Variants in DIAPH2 observed in about 807,000 individuals in gnomAD.
DIAPH2 encodes the protein diaphanous related formin 2.
Under a neutral mutation model 92.7 loss-of-function variants are expected in DIAPH2, and 35 were observed. The ratio of observed to expected loss-of-function variants is 0.38; its 90% CI spans 0.29 to 0.50. The LOEUF (loss-of-function observed/expected upper bound fraction) is 0.50, where lower values mean the gene tolerates loss of function less well. Among genes scored for constraint, DIAPH2 ranks in the 20% least tolerant of loss-of-function variants. The probability of loss-of-function intolerance (pLI) is 0.94; values close to 1 mark genes in which losing one functional copy is unlikely to be tolerated. For synonymous variants in DIAPH2, 301 were observed against 280.4 expected, an observed-to-expected ratio of 1.07 and a Z score of -0.73; for missense variants, 701 against 819.5, an observed-to-expected ratio of 0.86 and a Z score of 1.77.
At position 97,047,797 on chromosome X, in the gene DIAPH2, A is replaced by G. The variant is rs182474942; in HGVS notation, c.2051-25144A>G. On this transcript the variant is annotated intron_variant, in intron 17 of 26. Transcript: ENST00000324765. ...GACTTTGTTCTATGATTCTAACAAA[A>G]AGAAATTTGAAATATTTGTGTGGAA... Among the ~76,000 whole-genome samples, 232 of 109,376 alleles carry G rather than the reference A, an allele frequency of 2.1e-3. 1 individual carries two copies. Among genetic ancestry groups the G allele is most frequent in the Non-Finnish European group, 3.9e-3 (205 of 52,469 alleles). 95.0% of individuals were successfully genotyped at this position (109,376 alleles called of 115,157 possible).
Position 97,593,731 on chromosome X carries a change from T to G in DIAPH2, c.3242-5522T>G, listed in dbSNP as rs753069734. Among the ~76,000 whole-genome samples the G allele has an allele frequency of 3.1e-4, 34 of 111,417 alleles. No homozygotes were observed. The Admixed American group carries it at 3.1e-3, about 10-fold the overall frequency. ...AAGGAAAATATTTCTAATAAATATT[T>G]CAATTGTTTAGTATCCCTAACATGT... On this transcript the variant is annotated intron_variant, in intron 26 of 26. Transcript: ENST00000324765.
At chrX:97,129,353 G>T (rs181844987) in intron 21 of DIAPH2, among the ~76,000 whole-genome samples, 88 of 108,150 alleles carry the variant, frequency 8.1e-4, no homozygotes, top group Non-Finnish European at 1.4e-3. Flanking sequence ...TTTTAGTAGA[G>T]ATGAGGTTTC....
At chrX:97,321,796 G>A (rs1246211479) in intron 23 of DIAPH2, among the ~76,000 whole-genome samples, 1 of 110,520 alleles carries the variant, frequency 9.0e-6, no homozygotes, top group Non-Finnish European at 1.9e-5. Flanking sequence ...TGATCCGCCC[G>A]CCTCGGCCTC....
chrX:97,594,540 G>A (rs185343750), intron 26 of DIAPH2, among the ~76,000 whole-genome samples: 1 of 112,555 alleles, frequency 8.9e-6, no homozygotes, highest in Non-Finnish European at 1.9e-5. Flanking sequence ...AACATAAAAA[G>A]TTTTCTTGGT....
At position 96,958,017 on chromosome X, in the gene DIAPH2, G is replaced by A. The variant is rs1234972424; in HGVS notation, c.1804G>A (p.Gly602Arg). ...ACCCCCACCACCACTTTTATTTGGG[G>A]GACCTCCTCCACCACCACCCCTTGG... The part of the protein sequence containing the change: ...PPPPPPLLFG[G>R]PPPPPPLGGV... The change falls in exon 16 of 27, where the codon GGA becomes AGA. Residue 602 changes from glycine (G) to arginine (R), a missense_variant. Gly to Arg is a moderately radical substitution (Grantham distance 125). This residue lies in a region of DIAPH2 where 536 missense variants were observed against 599.3 expected (regional missense o/e 0.89). Coordinates refer to ENST00000324765, the MANE Select transcript of DIAPH2 (RefSeq NM_006729.5). 1 of 1,210,321 alleles carries A rather than the reference G, an allele frequency of 8.3e-7. No homozygotes were observed. The highest frequency in any genetic ancestry group is 1.7e-5 in the African/African-American group (1 of 57,433).
At chrX:97,250,091 C>T (rs1368422947) in intron 23 of DIAPH2, among the ~76,000 whole-genome samples, 1 of 110,707 alleles carries the variant, frequency 9.0e-6, no homozygotes, top group Non-Finnish European at 1.9e-5. Flanking sequence ...GAGCGAAACT[C>T]CGTCTCAAAA....
At chrX:97,269,747 TTTTA>T (rs1474237692) in intron 23 of DIAPH2, among the ~76,000 whole-genome samples, 1,465 of 105,477 alleles carry the variant, frequency 0.014, 31 homozygotes, top group African/African-American at 0.052. Flanking sequence ...GAGATACTAT[TTTTA>T]TTTTTTTTTT....
chrX:96,721,968 T>G lies in DIAPH2; in HGVS notation c.133-13790T>G, dbSNP rs112912232. On this transcript the variant is annotated intron_variant, in intron 1 of 26. Transcript: ENST00000324765. The stretch of plus-strand genomic sequence containing the variant: ...AGTAGTACTAATAGTAGTGATGCTC[T>G]CTCTTTAGGTCTAGCTTTTCTTTTT... Among the ~76,000 whole-genome samples the G allele has an allele frequency of 8.0e-3, 893 of 112,325 alleles. 8 individuals carry two copies. Among genetic ancestry groups the G allele is most frequent in the African/African-American group, 0.028 (857 of 30,945 alleles).
chrX:97,310,746 C>G (rs187900531), intron 23 of DIAPH2, among the ~76,000 whole-genome samples: 1 of 111,422 alleles, frequency 9.0e-6, no homozygotes, highest in East Asian at 2.8e-4. Flanking sequence ...GGGTGGCTCG[C>G]GACTGTAATC....
At chrX:97,450,282 G>A (rs1423486166) in intron 26 of DIAPH2, among the ~76,000 whole-genome samples, 2 of 111,607 alleles carry the variant, frequency 1.8e-5, no homozygotes, top group Non-Finnish European at 3.8e-5. Context: ...ATCATGTTAT[G>A]TAGCTCAGTT....
At chrX:97,374,930 C>A (rs754916472) in intron 24 of DIAPH2, among the ~76,000 whole-genome samples, 1 of 111,973 alleles carries the variant, frequency 8.9e-6, no homozygotes, top group Admixed American at 9.5e-5. Context: ...CACACTGTAT[C>A]TTCCTACTTG....
intron 23 of DIAPH2, 140 bp downstream of exon 23, chrX:97,247,979 G>T: frequency 1.8e-6 from 1 of 546,249 alleles, no homozygotes; most frequent in Non-Finnish European, 2.7e-6. Flanking sequence ...TTTTCTATTA[G>T]TAGCATAAAT....
At position 96,738,591 on chromosome X, in the gene DIAPH2, C is replaced by A. The variant is rs956029682; in HGVS notation, c.171C>A (p.Asp57Glu). The A allele has an allele frequency of 5.0e-6, 6 of 1,188,771 alleles. No individual in the cohort carries two copies. In the African/African-American group the frequency reaches 9.0e-5, roughly 18 times the overall value. ...TTATTTATTTTTGTTTGCAGCGTGA[C>A]CGAATTACAAGTTTTAGAAAATCTA... ...QIKTLADDVRDRITSFRKSTV... is the reference protein window; with the variant it reads ...QIKTLADDVRERITSFRKSTV... Residue 57 changes from aspartate to glutamate, a missense_variant, in exon 3 of 27, where the codon GAC becomes GAA. Physicochemically the swap from Asp to Glu is conservative, Grantham distance 45. Around this residue, in one of 3 missense-constraint regions of DIAPH2, gnomAD observed 131 missense variants for 145.6 expected, o/e 0.90. Coordinates refer to ENST00000324765, the MANE Select transcript of DIAPH2 (RefSeq NM_006729.5).
chrX:97,070,129 T>C (rs1255745211), intron 17 of DIAPH2, among the ~76,000 whole-genome samples: 3 of 111,511 alleles, frequency 2.7e-5, no homozygotes, highest in Non-Finnish European at 5.7e-5. Flanking sequence ...TTCATTATTA[T>C]TCTATTAGCA....
chrX:97,263,893 G>C (rs1251958311), intron 23 of DIAPH2, among the ~76,000 whole-genome samples: 2 of 77,252 alleles, frequency 2.6e-5, no homozygotes, highest in Non-Finnish European at 5.7e-5. Context: ...AGCTCCAACT[G>C]TTAGTTTTTT....
intron 24 of DIAPH2, among the ~76,000 whole-genome samples, chrX:97,359,039 A>T (rs979134638): frequency 8.9e-6 from 1 of 112,187 alleles, no homozygotes; most frequent in Admixed American, 9.5e-5. Flanking sequence ...AAACATGTTA[A>T]TTGGCTCACT....
intron 24 of DIAPH2, among the ~76,000 whole-genome samples, chrX:97,352,024 T>C (rs754552697): frequency 9.0e-6 from 1 of 110,824 alleles, no homozygotes; most frequent in African/African-American, 3.3e-5. Context: ...CCCTGAAAGA[T>C]TGGCAAAAAT....
At chrX:97,515,117 T>C (rs747716704) in intron 26 of DIAPH2, among the ~76,000 whole-genome samples, 28 of 111,980 alleles carry the variant, frequency 2.5e-4, no homozygotes, top group South Asian at 2.2e-3. Flanking sequence ...GCCTCGCTGC[T>C]GCCTTGCAGT....
intron 4 of DIAPH2, among the ~76,000 whole-genome samples, chrX:96,777,849 A>T (rs113627420): frequency 2.7e-5 from 3 of 111,304 alleles, no homozygotes; most frequent in African/African-American, 9.8e-5. Flanking sequence ...AAATTGATCA[A>T]TTCTTCAGTA....
Sources: allele counts gnomAD v4.1 joint callset (sites outside exome capture counted in the v4.1 genomes callset), GRCh38; gene constraint gnomAD v4.1.1; regional missense constraint gnomAD v4.1.1; transcripts MANE v1.5; gene names NCBI Gene and HGNC (gene_info 2026-07-23, HGNC 2026-07-21).